The following THEM4 variants were observed in gnomAD, a reference collection of about 807,000 sequenced individuals.
THEM4 encodes the protein acyl-coenzyme A thioesterase THEM4.
In THEM4, 22 loss-of-function variants were observed where a neutral mutation model predicts 25.0. The ratio of observed to expected loss-of-function variants is 0.88; its 90% CI spans 0.63 to 1.26. The LOEUF is 1.26. THEM4 is among the 50% of genes most tolerant of loss of function. THEM4 has a pLI of 0.00. For missense variants in THEM4, 286 were observed against 300.3 expected (o/e 0.95, Z 0.35); for synonymous variants, 113 against 105.6 (o/e 1.07, Z -0.43).
At chr1:151,889,507 G>A in intron 2 of THEM4, 134 bp from the exon 3 acceptor site, 1 of 831,218 alleles carries the variant, frequency 1.2e-6, no homozygotes, top group Admixed American at 2.8e-5. Context: ...GTGCAAAATT[G>A]AAAGGAATGG....
intron 1 of THEM4, among the ~76,000 whole-genome samples, chr1:151,907,340 T>A (rs1654493249): frequency 6.6e-6 from 1 of 152,222 alleles, no homozygotes; most frequent in African/African-American, 2.4e-5. Context: ...CCGTGGCTTC[T>A]TTCTTGAAGT....
intron 2 of THEM4, among the ~76,000 whole-genome samples, chr1:151,893,935 C>T (rs557962117): frequency 1.3e-5 from 2 of 152,086 alleles, no homozygotes; most frequent in African/African-American, 2.4e-5. Context: ...TCTCAGCTCA[C>T]TGCAACCTCT....
intron 1 of THEM4, among the ~76,000 whole-genome samples, chr1:151,903,744 A>G (rs1470541750): frequency 6.6e-6 from 1 of 152,246 alleles, no homozygotes; most frequent in Non-Finnish European, 1.5e-5. Context: ...CTCATTAGCC[A>G]CTGGTCTCAT....
At chr1:151,881,963 T>G (rs1653829180) in intron 4 of THEM4, among the ~76,000 whole-genome samples, 2 of 152,242 alleles carry the variant, frequency 1.3e-5, no homozygotes, top group Non-Finnish European at 2.9e-5. Context: ...ATCTTTTTAT[T>G]TGTCCACTAT....
intron 2 of THEM4, among the ~76,000 whole-genome samples, chr1:151,894,109 C>T (rs1284624144): frequency 1.3e-5 from 2 of 152,050 alleles, no homozygotes; most frequent in East Asian, 1.9e-4. Flanking sequence ...GTGATCCGCC[C>T]GCTTCAGTCT....
rs1030861158 is a variant in THEM4 at position 151,874,986 on chromosome 1, C to T, written c.683-58G>A. The T allele has an allele frequency of 1.1e-5, 14 of 1,304,526 alleles. No homozygotes were observed. In the East Asian group the frequency reaches 3.0e-4, roughly 28 times the overall value. The allele number at this position is 1,304,526 out of a possible 1,614,324, so 80.8% of individuals were successfully genotyped here. A position where few individuals can be genotyped will look rare whatever the true frequency, so the allele number is the denominator to read the frequency against. On this transcript the variant is annotated intron_variant, in intron 5 of 5. Coordinates refer to ENST00000368814, the MANE Select transcript of THEM4 (RefSeq NM_053055.5). ...TGTCAACTGACTTCAATTTGATGGACTACTCTAAATAGAAAGACATATACA... is the reference window on the plus strand; with the variant it reads ...TGTCAACTGACTTCAATTTGATGGATTACTCTAAATAGAAAGACATATACA...
At chr1:151,884,770 C>T (rs371027584) in intron 4 of THEM4, among the ~76,000 whole-genome samples, 1 of 150,832 alleles carries the variant, frequency 6.6e-6, no homozygotes, top group Non-Finnish European at 1.5e-5. Context: ...CTCACTGCAA[C>T]CTCTGCCTCC....
At chr1:151,891,964 G>GTTTTT (rs899880186) in intron 2 of THEM4, among the ~76,000 whole-genome samples, 4 of 150,778 alleles carry the variant, frequency 2.7e-5, no homozygotes, top group Admixed American at 2.6e-4. Context: ...TTTTGTTTTT[G>GTTTTT]TTTTTTTTTG....
chr1:151,897,285 C>T (rs753839420), intron 1 of THEM4, among the ~76,000 whole-genome samples: 1 of 152,166 alleles, frequency 6.6e-6, no homozygotes, highest in Non-Finnish European at 1.5e-5. Flanking sequence ...AAAACCAAAA[C>T]GGGGAGGTCA....
At chr1:151,890,084 T>C in intron 2 of THEM4, 1 of 362,262 alleles carries the variant, frequency 2.8e-6, no homozygotes, top group South Asian at 2.0e-5. Context: ...TTCTGTATTT[T>C]TAGTAGAGAC....
intron 2 of THEM4, 98 bp downstream of exon 2, chr1:151,894,910 T>C: frequency 7.6e-7 from 1 of 1,312,290 alleles, no homozygotes; most frequent in Non-Finnish European, 1.1e-6. Flanking sequence ...TCCTGCATTA[T>C]ATTCTTTCTT....
chr1:151,875,074 A>G, intron 5 of THEM4, 146 bp from the exon 6 acceptor site: 1 of 718,628 alleles, frequency 1.4e-6, no homozygotes, highest in Non-Finnish European at 2.4e-6. Flanking sequence ...TTTTCAGCCA[A>G]ATTAAGAATC....
Position 151,873,456 on chromosome 1 carries a change from T to A in THEM4, c.*1432A>T, listed in dbSNP as rs1483285032. On this transcript the variant is annotated 3_prime_UTR_variant, in exon 6 of 6. Transcript: ENST00000368814. Reference sequence around the variant, plus strand: ...TTTCTCAGTCTCTCATCCCACCTGATGAGAAACACCCACAGGTGTGGAGGG... The same window carrying A: ...TTTCTCAGTCTCTCATCCCACCTGAAGAGAAACACCCACAGGTGTGGAGGG... The A allele has an allele frequency of 6.6e-6, 1 of 152,126 alleles. No individual in the cohort carries two copies. The highest frequency in any genetic ancestry group is 2.4e-5 in the African/African-American group (1 of 41,448). The allele number at this position is 152,126 out of a possible 1,614,324, so 9.4% of individuals were successfully genotyped here. A position where few individuals can be genotyped will look rare whatever the true frequency, so the allele number is the denominator to read the frequency against.
At chr1:151,896,506 G>A (rs918380160) in intron 1 of THEM4, among the ~76,000 whole-genome samples, 1 of 152,196 alleles carries the variant, frequency 6.6e-6, no homozygotes, top group Non-Finnish European at 1.5e-5. Context: ...ATCATATGAA[G>A]TAGGTACTAT....
intron 1 of THEM4, among the ~76,000 whole-genome samples, chr1:151,904,411 C>T (rs570587292): frequency 5.9e-5 from 9 of 152,284 alleles, no homozygotes; most frequent in South Asian, 4.1e-4. Flanking sequence ...AAAACTCACA[C>T]GTGATTTCAC....
At chr1:151,876,533 T>C (rs1161170071) in intron 5 of THEM4, among the ~76,000 whole-genome samples, 1 of 151,530 alleles carries the variant, frequency 6.6e-6, no homozygotes, top group Non-Finnish European at 1.5e-5. Context: ...CTGCAACCTC[T>C]GTCTCCTGGG....
rs182762058 is a variant in THEM4 at position 151,904,104 on chromosome 1, C to A, written c.99+5256G>T. Among the ~76,000 whole-genome samples, 9 of 152,126 alleles carry A rather than the reference C, an allele frequency of 5.9e-5. No homozygotes were observed. In the East Asian group the frequency reaches 1.7e-3, roughly 29 times the overall value. ...AGTGATTTCCTACGGATAAAAAGTT[C>A]ATTAAGGAGAGAATGGGGAGGGGGC... On this transcript the variant is annotated intron_variant, in intron 1 of 5. Transcript: ENST00000368814.
At chr1:151,902,912 A>G (rs2054948) in intron 1 of THEM4, among the ~76,000 whole-genome samples, 139,005 of 151,946 alleles carry the variant, frequency 0.91, 63,592 homozygotes, top group East Asian at 0.95. Context: ...TGCTTGAACC[A>G]GGGAGGTGGA....
Position 151,906,797 on chromosome 1 carries a change from A to T in THEM4, c.99+2563T>A, listed in dbSNP as rs1654478409. 2.6e-5 allele frequency among the ~76,000 whole-genome samples: 4 copies of T among 152,014 alleles called. No homozygotes were observed. In the South Asian group the frequency reaches 8.3e-4, roughly 32 times the overall value. ...GGACTGGGAGAACCTTTGTGTTGACACTCTGTATCTAGCTAATCTGGTGTG... is the reference window on the plus strand; with the variant it reads ...GGACTGGGAGAACCTTTGTGTTGACTCTCTGTATCTAGCTAATCTGGTGTG... On this transcript the variant is annotated intron_variant, in intron 1 of 5. Coordinates refer to ENST00000368814, the MANE Select transcript of THEM4 (RefSeq NM_053055.5).
Sources: allele counts gnomAD v4.1 joint callset (sites outside exome capture counted in the v4.1 genomes callset), GRCh38; gene constraint gnomAD v4.1.1; transcripts MANE v1.5; gene names NCBI Gene and HGNC (gene_info 2026-07-23, HGNC 2026-07-21).